LUM: variants seen among roughly 807,000 people sequenced by gnomAD.
LUM encodes the protein lumican.
LUM carries 13 observed loss-of-function variants against 20.5 expected under a neutral mutation model. That is an observed-to-expected ratio of 0.63 (90% confidence interval 0.41 to 1.01). The LOEUF is 1.01. Among genes scored for constraint, LUM ranks in the 50% least tolerant of loss-of-function variants. The pLI, the probability that LUM is intolerant of heterozygous loss-of-function variation, is 0.00. For synonymous variants in LUM, 173 were observed against 151.5 expected, an observed-to-expected ratio of 1.14 and a Z score of -1.04; for missense variants, 321 against 391.1, an observed-to-expected ratio of 0.82 and a Z score of 1.51.
chr12:91,108,583 C>T lies in LUM; in HGVS notation c.397G>A (p.Gly133Ser). The T allele has an allele frequency of 6.2e-7, 1 of 1,611,452 alleles. No homozygotes were observed. Among genetic ancestry groups the T allele is most frequent in the Non-Finnish European group, 8.5e-7 (1 of 1,178,472 alleles). Residue 133 changes from glycine to serine, a missense_variant, in exon 2 of 3, where the codon GGC (glycine) becomes AGC (serine). Gly to Ser is a moderately conservative substitution (Grantham distance 56, BLOSUM62 0). Coordinates refer to ENST00000266718, the MANE Select transcript of LUM (RefSeq NM_002345.4). This position sits in a 1 kb window ranked among gnomAD's most constrained non-coding sequence, Gnocchi z 4.2. ...TCCTCCAGAGATTTGGGAAGTGGGC[C>T]CACAGACTCTGTCAGGTTGTTGTGG... ...INHNNLTESV[G>S]PLPKSLEDLQ...
intron 2 of LUM, among the ~76,000 whole-genome samples, chr12:91,104,683 A>C (rs922833324): frequency 6.6e-6 from 1 of 152,194 alleles, no homozygotes; most frequent in Non-Finnish European, 1.5e-5. Context: ...CCATTGTTGT[A>C]TGAACAATCT....
chr12:91,107,588 T>G (rs1212502344), intron 2 of LUM, among the ~76,000 whole-genome samples: 2 of 152,198 alleles, frequency 1.3e-5, no homozygotes, highest in African/African-American at 4.8e-5. Flanking sequence ...ATTTTTAGTT[T>G]GAAGACTTAC....
At chr12:91,106,050 G>C (rs1880024121) in intron 2 of LUM, among the ~76,000 whole-genome samples, 1 of 152,164 alleles carries the variant, frequency 6.6e-6, no homozygotes, top group South Asian at 2.1e-4. Context: ...GGGTTTAGCT[G>C]TGTTAGCCTG....
At position 91,108,271 on chromosome 12, in the gene LUM, A is replaced by G; in HGVS notation, c.709T>C (p.Ser237Pro). ...CCACTATCAGCCAGTTCGTTGTGAGATAAACGCAGATACTGCAATGCATTA... is the reference window on the plus strand; with the variant it reads ...CCACTATCAGCCAGTTCGTTGTGAGGTAAACGCAGATACTGCAATGCATTA... ...RFNALQYLRL[S>P]HNELADSGIP... The change falls in exon 2 of 3, where the codon TCT becomes CCT. Residue 237 changes from serine (S) to proline (P), a missense_variant. Ser to Pro is a moderately conservative substitution (Grantham distance 74). Transcript: ENST00000266718. This position sits in a 1 kb window ranked among gnomAD's most constrained non-coding sequence, Gnocchi z 4.2. 1.2e-6 allele frequency: 2 copies of G among 1,614,194 alleles called. No homozygotes were observed. Among genetic ancestry groups the G allele is most frequent in the Non-Finnish European group, 1.7e-6 (2 of 1,180,022 alleles).
chr12:91,109,543 G>A (rs1471551548), intron 1 of LUM, among the ~76,000 whole-genome samples: 1 of 152,070 alleles, frequency 6.6e-6, no homozygotes, highest in African/African-American at 2.4e-5. Flanking sequence ...TTGGTTCTGA[G>A]GAAGGAGAAC....
chr12:91,107,242 A>AG (rs1592662400), intron 2 of LUM, among the ~76,000 whole-genome samples: 1 of 26,946 alleles, frequency 3.7e-5, no homozygotes, highest in African/African-American at 1.1e-4. Flanking sequence ...AAGAAAGGAA[A>AG]GAAAGAAAGA....
intron 2 of LUM, among the ~76,000 whole-genome samples, chr12:91,107,551 T>G (rs1880110219): frequency 6.6e-6 from 1 of 151,830 alleles, no homozygotes; most frequent in South Asian, 2.1e-4. Context: ...TATGAGGAGG[T>G]AACACAGCAG....
Position 91,103,977 on chromosome 12 carries a change from T to C in LUM, c.*188A>G. The C allele has an allele frequency of 5.7e-6, 3 of 527,036 alleles. No homozygotes were observed. Among genetic ancestry groups the C allele is most frequent in the Non-Finnish European group, 6.7e-6 (2 of 299,710 alleles). The allele number at this position is 527,036 out of a possible 1,614,324, so 32.6% of individuals were successfully genotyped here. ...ATTGAGTTTGATGTCTATTCGTGTA[T>C]ATGTGTGTGTTCTTGTGATGAAATA... On this transcript the variant is annotated 3_prime_UTR_variant, in exon 3 of 3. Coordinates refer to ENST00000266718, the MANE Select transcript of LUM (RefSeq NM_002345.4).
In LUM at chr12:91,104,351, T is replaced by G. The variant is rs148089996; in HGVS notation, c.863-32A>C. On this transcript the variant is annotated intron_variant, in intron 2 of 2. Transcript: ENST00000266718. ...ATTAAAGAATAGAAAACATTAATCA[T>G]TTTTCAGTACACTGGCTCAAAACAA... 1.6e-4 allele frequency: 241 copies of G among 1,505,818 alleles called. No individual in the cohort carries two copies. The African/African-American group carries it at 2.3e-3, about 14-fold the overall frequency. The allele number at this position is 1,505,818 out of a possible 1,614,324, so 93.3% of individuals were successfully genotyped here.
rs374164456 is a variant in LUM at position 91,106,690 on chromosome 12, T to TAAAAAAAAAAAAAAAAAAAAAA, written c.862+1427_862+1428insTTTTTTTTTTTTTTTTTTTTTT. Among the ~76,000 whole-genome samples the TAAAAAAAAAAAAAAAAAAAAAA allele has an allele frequency of 7.7e-5, 7 of 90,602 alleles. 1 individual carries two copies. The highest frequency in any genetic ancestry group is 2.3e-4 in the African/African-American group (5 of 21,876). The allele number at this position is 90,602 out of a possible 152,430, so 59.4% of individuals were successfully genotyped here. A position where few individuals can be genotyped will look rare whatever the true frequency, so the allele number is the denominator to read the frequency against. ...AAGCTCTGTAACACTATTTTTCTTC[T>TAAAAAAAAAAAAAAAAAAAAAA]AAAAAAAAAAAAAAAAAAAAAGATG... On this transcript the variant is annotated intron_variant, in intron 2 of 2. Coordinates refer to ENST00000266718, the MANE Select transcript of LUM (RefSeq NM_002345.4).
chr12:91,106,636 G>A (rs1223850419), intron 2 of LUM, among the ~76,000 whole-genome samples: 1 of 144,142 alleles, frequency 6.9e-6, no homozygotes, highest in Non-Finnish European at 1.5e-5. Context: ...AATATCAAAT[G>A]AGGGGCAGGA....
At chr12:91,104,620 A>G (rs1352806440) in intron 2 of LUM, among the ~76,000 whole-genome samples, 1 of 152,156 alleles carries the variant, frequency 6.6e-6, no homozygotes, top group African/African-American at 2.4e-5. Flanking sequence ...AGTGTGTCAT[A>G]TTATCTAACA....
intron 1 of LUM, among the ~76,000 whole-genome samples, chr12:91,109,856 A>C (rs11105996): frequency 0.031 from 4,739 of 152,272 alleles, 247 homozygotes; most frequent in East Asian, 0.26. Context: ...CTTCATGCCA[A>C]AATCGAAGAT....
chr12:91,103,871 C>T lies in LUM; in HGVS notation c.*294G>A, dbSNP rs772718807. 2.5e-5 allele frequency: 6 copies of T among 238,060 alleles called. No homozygotes were observed. Among genetic ancestry groups the T allele is most frequent in the Non-Finnish European group, 4.9e-5 (6 of 121,968 alleles). 14.7% of individuals were successfully genotyped at this position (238,060 alleles called of 1,614,324 possible). ...AAGATTTAAGGATTATAAAACTTGG[C>T]TGATTTCCATGCAACCAGTAAAAGG... On this transcript the variant is annotated 3_prime_UTR_variant, in exon 3 of 3. Coordinates refer to ENST00000266718, the MANE Select transcript of LUM (RefSeq NM_002345.4).
chr12:91,107,224 A>AAAGAG (rs1555188583), intron 2 of LUM, among the ~76,000 whole-genome samples: 18 of 41,948 alleles, frequency 4.3e-4, no homozygotes, highest in African/African-American at 1.1e-3. Context: ...AGAGAGAAAG[A>AAAGAG]AGAAAGAAAG....
intron 2 of LUM, 85 bp from the exon 3 acceptor site, chr12:91,104,404 T>C: frequency 3.3e-6 from 3 of 905,916 alleles, no homozygotes; most frequent in South Asian, 3.3e-5. Context: ...TAATATATTA[T>C]AAAATAGGAC....
chr12:91,103,196 T>G lies in LUM; in HGVS notation c.*969A>C, dbSNP rs1025203396. On this transcript the variant is annotated 3_prime_UTR_variant, in exon 3 of 3. Transcript: ENST00000266718. ...TTTCAGAAAATTTTATATTCATTCA[T>G]TTTTAATCCTGTGAGTTATCCACCA... 1 of 152,122 alleles carries G rather than the reference T, an allele frequency of 6.6e-6. No homozygotes were observed. Among genetic ancestry groups the G allele is most frequent in the Non-Finnish European group, 1.5e-5 (1 of 67,976 alleles). The allele number at this position is 152,122 out of a possible 1,614,324, so 9.4% of individuals were successfully genotyped here.
intron 2 of LUM, among the ~76,000 whole-genome samples, chr12:91,107,306 A>T (rs1880092984): frequency 7.2e-6 from 1 of 138,714 alleles, no homozygotes; most frequent in Non-Finnish European, 1.5e-5. Flanking sequence ...AGAAAGAAAG[A>T]AAGAAAGAAA....
At chr12:91,110,011 G>A (rs1189449551) in intron 1 of LUM, among the ~76,000 whole-genome samples, 2 of 152,224 alleles carry the variant, frequency 1.3e-5, no homozygotes, top group East Asian at 3.9e-4. Flanking sequence ...GAAATAATGT[G>A]TAACAGTTAT....
Sources: gnomAD v4.1 joint callset for allele counts (sites outside exome capture counted in the v4.1 genomes callset) on GRCh38, gnomAD v4.1.1 for gene constraint, Gnocchi (gnomAD v3.1) non-coding constraint, MANE v1.5 for transcripts, NCBI Gene and HGNC (gene_info 2026-07-23, HGNC 2026-07-21) for gene names.